The following LRP1B variants were observed in gnomAD, a reference collection of about 807,000 sequenced individuals.
LRP1B encodes the protein low-density lipoprotein receptor-related protein 1B.
Under a neutral mutation model 556.6 loss-of-function variants are expected in LRP1B, and 217 were observed. That is an observed-to-expected ratio of 0.39 (90% confidence interval 0.35 to 0.44). LRP1B has a LOEUF of 0.44. Ranked by LOEUF, LRP1B falls within the 20% of genes least tolerant of loss-of-function variation. LRP1B has a pLI of 1.00. For missense variants in LRP1B, 5,053 were observed against 5,620.8 expected, an observed-to-expected ratio of 0.90 and a Z score of 3.23; for synonymous variants, 2,047 against 1,865.8, an observed-to-expected ratio of 1.10 and a Z score of -2.50.
chr2:141,866,143 T>C (rs1169661978), intron 1 of LRP1B, among the ~76,000 whole-genome samples: 1 of 152,210 alleles, frequency 6.6e-6, no homozygotes, highest in Admixed American at 6.5e-5. Flanking sequence ...GACAGATCCA[T>C]CAAGAAGCTC....
Position 140,592,539 on chromosome 2 carries a change from T to C in LRP1B, c.7194+6092A>G, listed in dbSNP as rs143489446. ...GGGTAAGCATTTCAAACCTATGTTG[T>C]GAGAAAATTCACTTTTCTGGGCATC... On this transcript the variant is annotated intron_variant, in intron 43 of 90. Coordinates refer to ENST00000389484, the MANE Select transcript of LRP1B (RefSeq NM_018557.3). Among the ~76,000 whole-genome samples, 370 of 152,248 alleles carry C rather than the reference T, an allele frequency of 2.4e-3. 1 individual carries two copies. The highest frequency in any genetic ancestry group is 8.2e-3 in the African/African-American group (340 of 41,568).
At chr2:141,411,768 A>G (rs1463351358) in intron 3 of LRP1B, among the ~76,000 whole-genome samples, 1 of 152,192 alleles carries the variant, frequency 6.6e-6, no homozygotes, top group Non-Finnish European at 1.5e-5. Flanking sequence ...ATAATGGAAT[A>G]TAAAGCATTG....
chr2:140,425,118 A>G (rs1456462226), intron 66 of LRP1B, among the ~76,000 whole-genome samples: 3 of 151,896 alleles, frequency 2.0e-5, no homozygotes, highest in African/African-American at 7.3e-5. Flanking sequence ...TGAAAAGCAG[A>G]CTGATTTTTG....
chr2:140,269,079 ACT>A (rs1304953786), intron 86 of LRP1B, among the ~76,000 whole-genome samples: 2 of 151,974 alleles, frequency 1.3e-5, no homozygotes, highest in South Asian at 2.1e-4. Flanking sequence ...ATTTCTGGAC[ACT>A]CTAGCAGTCT....
intron 2 of LRP1B, among the ~76,000 whole-genome samples, chr2:141,520,483 T>C (rs973948690): frequency 1.3e-5 from 2 of 151,976 alleles, no homozygotes; most frequent in East Asian, 3.9e-4. Flanking sequence ...GTTTTTTTTT[T>C]CCTTTATATT....
At chr2:141,982,406 G>C (rs889159909) in intron 1 of LRP1B, among the ~76,000 whole-genome samples, 2 of 152,174 alleles carry the variant, frequency 1.3e-5, no homozygotes, top group Non-Finnish European at 2.9e-5. Context: ...TAAAAGTAAA[G>C]CATTAGAGAT....
intron 66 of LRP1B, among the ~76,000 whole-genome samples, chr2:140,437,655 A>C (rs1686244924): frequency 6.6e-6 from 1 of 152,224 alleles, no homozygotes; most frequent in South Asian, 2.1e-4. Flanking sequence ...GCAACAAACA[A>C]TTTCTAAATG....
chr2:140,696,803 T>A (rs1686444183), intron 41 of LRP1B, among the ~76,000 whole-genome samples: 1 of 152,124 alleles, frequency 6.6e-6, no homozygotes, highest in Non-Finnish European at 1.5e-5. Flanking sequence ...CCCAAAACCA[T>A]CCCCTGCCTT....
At chr2:142,104,357 A>C (rs1288315318) in intron 1 of LRP1B, among the ~76,000 whole-genome samples, 1 of 152,102 alleles carries the variant, frequency 6.6e-6, no homozygotes, top group Non-Finnish European at 1.5e-5. Flanking sequence ...ACATTTATTG[A>C]CATTAAAAGC....
At chr2:141,233,508 G>A (rs763441900) in intron 5 of LRP1B, among the ~76,000 whole-genome samples, 6 of 152,130 alleles carry the variant, frequency 3.9e-5, no homozygotes, top group Admixed American at 1.3e-4. Context: ...TTCTAAAATT[G>A]TGAATTGAAA....
At chr2:141,140,573 A>G (rs1701624928) in intron 7 of LRP1B, among the ~76,000 whole-genome samples, 1 of 152,132 alleles carries the variant, frequency 6.6e-6, no homozygotes, top group Non-Finnish European at 1.5e-5. Context: ...AGGAGAAAAC[A>G]TACCAGAAAT....
chr2:141,483,485 G>C (rs1683000830), intron 2 of LRP1B, among the ~76,000 whole-genome samples: 1 of 122,112 alleles, frequency 8.2e-6, no homozygotes, highest in Non-Finnish European at 1.8e-5. Context: ...GCCAGTAATG[G>C]GATGGCTGGT....
chr2:141,463,465 CA>C (rs1267231048), intron 3 of LRP1B, among the ~76,000 whole-genome samples: 1 of 147,190 alleles, frequency 6.8e-6, no homozygotes, highest in Non-Finnish European at 1.5e-5. Context: ...ATTCAGCAGT[CA>C]AATAGCAAAA....
In LRP1B at chr2:140,975,073, T is replaced by C. The variant is rs146962318; in HGVS notation, c.2887+7087A>G. Among the ~76,000 whole-genome samples, 833 of 152,056 alleles carry C rather than the reference T, an allele frequency of 5.5e-3. 10 individuals are homozygous for C. The highest frequency in any genetic ancestry group is 0.019 in the African/African-American group (791 of 41,472). On this transcript the variant is annotated intron_variant, in intron 18 of 90. Transcript: ENST00000389484. ...ATTTGGGGAAAAAAATTAAAAAAAGTGGACTTAGCAAAGACAGCAAACCTT... is the reference window on the plus strand; with the variant it reads ...ATTTGGGGAAAAAAATTAAAAAAAGCGGACTTAGCAAAGACAGCAAACCTT...
chr2:140,386,927 A>G (rs1271968744), intron 66 of LRP1B, among the ~76,000 whole-genome samples: 1 of 152,164 alleles, frequency 6.6e-6, no homozygotes, highest in Non-Finnish European at 1.5e-5. Context: ...TCATTTGGGA[A>G]TTTTGCTATA....
chr2:141,362,365 A>G (rs1688856055), intron 3 of LRP1B, among the ~76,000 whole-genome samples: 1 of 152,202 alleles, frequency 6.6e-6, no homozygotes, highest in Non-Finnish European at 1.5e-5. Flanking sequence ...CGGTCTTAAC[A>G]GGTGCATGGG....
At chr2:140,888,432 G>A (rs56202415) in intron 23 of LRP1B, among the ~76,000 whole-genome samples, 8,116 of 151,442 alleles carry the variant, frequency 0.054, 223 homozygotes, top group East Asian at 0.1. Flanking sequence ...CAAACCCAAA[G>A]CCATTTGTTT....
intron 1 of LRP1B, among the ~76,000 whole-genome samples, chr2:141,970,603 C>G (rs991582657): frequency 1.3e-5 from 2 of 151,480 alleles, no homozygotes; most frequent in Admixed American, 6.6e-5. Context: ...ATAAATGCAT[C>G]TGTAACTGTA....
chr2:141,075,641 A>G (rs1384080908), intron 7 of LRP1B, among the ~76,000 whole-genome samples: 1 of 152,162 alleles, frequency 6.6e-6, no homozygotes, highest in Admixed American at 6.5e-5. Context: ...GAGGTGGGTA[A>G]CCTGATTCTG....
Sources: gnomAD v4.1 joint callset for allele counts (sites outside exome capture counted in the v4.1 genomes callset) on GRCh38, gnomAD v4.1.1 for gene constraint, MANE v1.5 for transcripts, NCBI Gene and HGNC (gene_info 2026-07-23, HGNC 2026-07-21) for gene names.